Variants in CDH12 observed in about 807,000 individuals in gnomAD.
The protein encoded by CDH12 is cadherin 12.
A neutral mutation model predicts 74.1 loss-of-function variants in CDH12; 41 were observed. The observed-to-expected ratio is 0.55, with a 90% confidence interval of 0.43 to 0.72. CDH12 has a LOEUF of 0.72. Among genes scored for constraint, CDH12 ranks in the 30% least tolerant of loss-of-function variants. The pLI is 0.00. For missense variants in CDH12, 945 were observed against 977.2 expected, an observed-to-expected ratio of 0.97 and a Z score of 0.44; for synonymous variants, 399 against 355.0, an observed-to-expected ratio of 1.12 and a Z score of -1.39.
chr5:22,464,953 G>T (rs1276329370), intron 2 of CDH12, among the ~76,000 whole-genome samples: 1 of 149,036 alleles, frequency 6.7e-6, no homozygotes. Context: ...AGTGAGCCGA[G>T]ATTGCACCAG....
intron 1 of CDH12, among the ~76,000 whole-genome samples, chr5:22,545,395 T>C (rs1478825731): frequency 6.6e-6 from 1 of 152,192 alleles, no homozygotes; most frequent in Non-Finnish European, 1.5e-5. Context: ...TGAAATTGTT[T>C]AAAATTGTGT....
At chr5:22,493,897 A>T (rs1042371297) in intron 2 of CDH12, among the ~76,000 whole-genome samples, 10 of 152,164 alleles carry the variant, frequency 6.6e-5, no homozygotes, top group African/African-American at 2.4e-4. Flanking sequence ...TGGGATGGTC[A>T]AAACAAAAGG....
chr5:22,439,073 G>T (rs751723899), intron 2 of CDH12, among the ~76,000 whole-genome samples: 42 of 151,722 alleles, frequency 2.8e-4, no homozygotes, highest in Admixed American at 5.9e-4. Context: ...TGAGGATCAG[G>T]TTAATTTGAT....
At chr5:22,633,578 C>T (rs147643014) in intron 1 of CDH12, among the ~76,000 whole-genome samples, 1 of 152,076 alleles carries the variant, frequency 6.6e-6, no homozygotes. Context: ...TTGTGGTGGG[C>T]CTCATCCCAT....
At chr5:22,361,498 T>C (rs953250968) in intron 3 of CDH12, among the ~76,000 whole-genome samples, 2 of 152,174 alleles carry the variant, frequency 1.3e-5, no homozygotes, top group Admixed American at 6.5e-5. Flanking sequence ...AAAATGGCCA[T>C]ACTGCCCAAG....
intron 1 of CDH12, among the ~76,000 whole-genome samples, chr5:22,535,138 ATTTTCTTTTTTTTTT>A (rs1478292007): frequency 1.1e-4 from 13 of 122,776 alleles, no homozygotes; most frequent in Non-Finnish European, 1.5e-4. Flanking sequence ...TGCCTGGCTA[ATTTTCTTTTTTTTTT>A]TTTTCTTTTT....
chr5:22,768,705 G>C (rs931909837), intron 1 of CDH12, among the ~76,000 whole-genome samples: 1 of 151,942 alleles, frequency 6.6e-6, no homozygotes, highest in Non-Finnish European at 1.5e-5. Context: ...TAACTACCTG[G>C]TCTCTGCCAC....
At chr5:22,028,982 G>T (rs1372099328) in intron 5 of CDH12, among the ~76,000 whole-genome samples, 2 of 152,096 alleles carry the variant, frequency 1.3e-5, no homozygotes. Flanking sequence ...TCTGATCTTT[G>T]ACAAACCTGA....
rs559720115 is a variant in CDH12, at chr5:22,279,046, CAT to C, written c.-332-66405_-332-66404del. Among the ~76,000 whole-genome samples the C allele has an allele frequency of 3.4e-3, 521 of 152,166 alleles. 5 individuals carry two copies. The highest frequency in any genetic ancestry group is 0.012 in the African/African-American group (493 of 41,524). ...GCAAAACATACATATATAAATGTAACATATATTATATCCATAATTATAGATAA... is the reference window on the plus strand; with the variant it reads ...GCAAAACATACATATATAAATGTAACATATTATATCCATAATTATAGATAA... On this transcript the variant is annotated intron_variant, in intron 3 of 14. Transcript: ENST00000382254.
At chr5:22,002,627 T>G (rs1195104959) in intron 5 of CDH12, among the ~76,000 whole-genome samples, 11 of 152,138 alleles carry the variant, frequency 7.2e-5, no homozygotes, top group Non-Finnish European at 5.9e-5. Context: ...TTCACTTTTT[T>G]ATAAAATTGC....
chr5:22,824,998 C>T (rs1736208034), intron 1 of CDH12, among the ~76,000 whole-genome samples: 1 of 151,720 alleles, frequency 6.6e-6, no homozygotes, highest in Non-Finnish European at 1.5e-5. Flanking sequence ...TTCAAAAAGG[C>T]TTGTGAGAAA....
intron 3 of CDH12, among the ~76,000 whole-genome samples, chr5:22,353,954 G>A (rs913615240): frequency 6.6e-6 from 1 of 152,168 alleles, no homozygotes; most frequent in Admixed American, 6.6e-5. Context: ...GGCAGAAAAT[G>A]TGCAGATGCT....
chr5:21,755,966 A>G (rs1744374044), intron 13 of CDH12, 124 bp from the exon 14 acceptor site: 2 of 886,120 alleles, frequency 2.3e-6, no homozygotes, highest in Admixed American at 2.6e-5. Context: ...TATTTTTTTT[A>G]TTTCTGTTCA....
At chr5:22,374,061 A>G (rs1373576270) in intron 3 of CDH12, among the ~76,000 whole-genome samples, 6 of 152,168 alleles carry the variant, frequency 3.9e-5, no homozygotes, top group South Asian at 2.1e-4. Context: ...AAAATCCTCA[A>G]CAAAATACTA....
At chr5:21,790,739 C>G (rs1257918276) in intron 10 of CDH12, among the ~76,000 whole-genome samples, 1 of 151,946 alleles carries the variant, frequency 6.6e-6, no homozygotes, top group Non-Finnish European at 1.5e-5. Context: ...CCTTTTCCCC[C>G]TTTCTCCCTC....
At chr5:21,766,106 T>C (rs186239811) in intron 11 of CDH12, among the ~76,000 whole-genome samples, 315 of 152,170 alleles carry the variant, frequency 2.1e-3, no homozygotes, top group Non-Finnish European at 3.4e-3. Flanking sequence ...AATATTCTTT[T>C]AGACATCTAT....
intron 1 of CDH12, among the ~76,000 whole-genome samples, chr5:22,631,011 A>C (rs1188466551): frequency 6.6e-6 from 1 of 152,178 alleles, no homozygotes; most frequent in Non-Finnish European, 1.5e-5. Context: ...AAGAAGATAC[A>C]TGCAGACATC....
At chr5:22,760,868 G>C (rs58916190) in intron 1 of CDH12, among the ~76,000 whole-genome samples, 2 of 151,844 alleles carry the variant, frequency 1.3e-5, no homozygotes, top group East Asian at 3.9e-4. Flanking sequence ...GATCCTATAC[G>C]TCTGCAACAC....
chr5:22,809,717 G>A (rs1284651945), intron 1 of CDH12, among the ~76,000 whole-genome samples: 3 of 151,918 alleles, frequency 2.0e-5, no homozygotes, highest in Non-Finnish European at 4.4e-5. Flanking sequence ...ATCATTTCAG[G>A]ATTGATTCTG....
Sources: gnomAD v4.1 joint callset for allele counts (sites outside exome capture counted in the v4.1 genomes callset) on GRCh38, gnomAD v4.1.1 for gene constraint, MANE v1.5 for transcripts, NCBI Gene and HGNC (gene_info 2026-07-23, HGNC 2026-07-21) for gene names.